OR4N2: variants seen among roughly 807,000 people sequenced by gnomAD.
OR4N2 encodes olfactory receptor family 4 subfamily N member 2.
For synonymous variants in OR4N2, 141 were observed against 140.4 expected (o/e 1.00, Z -0.03); for missense variants, 307 against 377.6 (o/e 0.81, Z 1.55).
intron 1 of OR4N2, among the ~76,000 whole-genome samples, chr14:19,818,110 T>G (rs1311828190): frequency 6.6e-6 from 1 of 152,270 alleles, no homozygotes; most frequent in African/African-American, 2.4e-5. Flanking sequence ...CTTCCAAGTA[T>G]GTGGTCAATT....
chr14:19,807,000 C>A (rs746436764), intron 1 of OR4N2, among the ~76,000 whole-genome samples: 2 of 152,016 alleles, frequency 1.3e-5, no homozygotes, highest in African/African-American at 4.8e-5. Context: ...CAAAAAAATT[C>A]TTTGAAATTA....
chr14:19,823,291 A>T (rs1566467611), intron 1 of OR4N2, among the ~76,000 whole-genome samples: 1 of 152,248 alleles, frequency 6.6e-6, no homozygotes, highest in Admixed American at 6.5e-5. Context: ...GCTACTAATG[A>T]AATTAACTTC....
chr14:19,817,255 C>A (rs1456567348), intron 1 of OR4N2, among the ~76,000 whole-genome samples: 4 of 152,194 alleles, frequency 2.6e-5, no homozygotes, highest in Admixed American at 6.5e-5. Context: ...GTAATAGTTT[C>A]TGAAGGAATG....
In OR4N2 at chr14:19,812,329, C is replaced by CTTTTTTTTTTTTTTT. The variant is rs3078143; in HGVS notation, c.-10+8486_-10+8500dup. On this transcript the variant is annotated intron_variant, in intron 1 of 1. Transcript: ENST00000557677. ...TTTTTTTTTTCTTTTCTTTTCTTTT[C>CTTTTTTTTTTTTTTT]TTTTTTTTTTTTTTTGAGACAGAGT... Among the ~76,000 whole-genome samples the CTTTTTTTTTTTTTTT allele has an allele frequency of 9.6e-4, 113 of 117,396 alleles. 1 individual carries two copies. Among genetic ancestry groups the CTTTTTTTTTTTTTTT allele is most frequent in the African/African-American group, 2.7e-3 (82 of 30,540 alleles). The allele number at this position is 117,396 out of a possible 152,430, so 77.0% of individuals were successfully genotyped here. A position where few individuals can be genotyped will look rare whatever the true frequency, so the allele number is the denominator to read the frequency against.
intron 1 of OR4N2, among the ~76,000 whole-genome samples, chr14:19,813,968 T>C (rs1395181851): frequency 1.3e-5 from 2 of 152,050 alleles, no homozygotes; most frequent in African/African-American, 4.8e-5. Context: ...CTCTCTTTTC[T>C]TCTTTCTTTC....
intron 1 of OR4N2, among the ~76,000 whole-genome samples, chr14:19,826,893 A>G (rs1288240083): frequency 1.3e-5 from 2 of 152,216 alleles, no homozygotes; most frequent in East Asian, 3.8e-4. Flanking sequence ...GACCAAAAGG[A>G]GTATAATAAG....
Position 19,828,169 on chromosome 14 carries a change from A to C in OR4N2, c.721A>C (p.Ile241Leu). The change falls in exon 2 of 2, where the codon ATC becomes CTC. Residue 241 changes from isoleucine (I) to leucine (L), a missense_variant. Coordinates refer to ENST00000557677, the MANE Select transcript of OR4N2 (RefSeq NM_001004723.3). ...AAAAAACAAGGCCATGTCCACGTGC[A>C]TCACCCATATCATTGTTATATTCTT... ...EAKNKAMSTC[I>L]THIIVIFFMF... 1.2e-6 allele frequency: 2 copies of C among 1,614,262 alleles called. No homozygotes were observed. Among genetic ancestry groups the C allele is most frequent in the Non-Finnish European group, 1.7e-6 (2 of 1,180,038 alleles).
At chr14:19,814,296 T>G (rs1879373477) in intron 1 of OR4N2, among the ~76,000 whole-genome samples, 1 of 152,258 alleles carries the variant, frequency 6.6e-6, no homozygotes, top group African/African-American at 2.4e-5. Context: ...AAGATCATGA[T>G]GCATCTTTTC....
At chr14:19,819,996 C>T (rs1361960173) in intron 1 of OR4N2, among the ~76,000 whole-genome samples, 9 of 152,266 alleles carry the variant, frequency 5.9e-5, no homozygotes, top group Admixed American at 1.3e-4. Context: ...ACCCTGTTTT[C>T]CTGGGTGTCA....
chr14:19,808,259 A>C (rs866218392), intron 1 of OR4N2, among the ~76,000 whole-genome samples: 2 of 152,338 alleles, frequency 1.3e-5, no homozygotes, highest in Middle Eastern at 3.4e-3. Context: ...GAAAGAAATA[A>C]AAGACATCCA....
At position 19,827,474 on chromosome 14, in the gene OR4N2, T is replaced by C. The variant is rs532956757; in HGVS notation, c.26T>C (p.Ile9Thr). ...ATGGAAAGCGAGAACAGAACAGTGATAAGAGAATTCATCCTCCTTGGTCTG... is the reference window on the plus strand; with the variant it reads ...ATGGAAAGCGAGAACAGAACAGTGACAAGAGAATTCATCCTCCTTGGTCTG... Reference protein sequence around the residue: MESENRTVIREFILLGLTQ... With the variant: MESENRTVTREFILLGLTQ... The change falls in exon 2 of 2, where the codon ATA becomes ACA. Residue 9 changes from isoleucine to threonine, a missense_variant. Physicochemically the swap from Ile to Thr is moderately conservative, Grantham distance 89 (BLOSUM62 -1). Coordinates refer to ENST00000557677, the MANE Select transcript of OR4N2 (RefSeq NM_001004723.3). 1 of 1,605,210 alleles carries C rather than the reference T, an allele frequency of 6.2e-7. No homozygotes were observed. Among genetic ancestry groups the C allele is most frequent in the Admixed American group, 1.7e-5 (1 of 58,870 alleles).
At position 19,817,316 on chromosome 14, in the gene OR4N2, G is replaced by C. The variant is rs576365028; in HGVS notation, c.-9-10124G>C. ...GTAGAATTTGGCTGTGAATCTGTCT[G>C]GTCCTGGACTTTTTTTGGTTGGTAG... On this transcript the variant is annotated intron_variant, in intron 1 of 1. Transcript: ENST00000557677. Among the ~76,000 whole-genome samples the C allele has an allele frequency of 3.3e-5, 5 of 152,324 alleles. No homozygotes were observed. In the South Asian group the frequency reaches 1.0e-3, roughly 32 times the overall value.
chr14:19,820,645 G>A (rs1339724085), intron 1 of OR4N2, among the ~76,000 whole-genome samples: 1 of 152,246 alleles, frequency 6.6e-6, no homozygotes, highest in East Asian at 1.9e-4. Context: ...GAGAAATCTA[G>A]AGAAGCAGTC....
chr14:19,805,741 C>T (rs1400834739), intron 1 of OR4N2, among the ~76,000 whole-genome samples: 1 of 152,038 alleles, frequency 6.6e-6, no homozygotes, highest in African/African-American at 2.4e-5. Context: ...TAGAGAGAAC[C>T]CTGGCTAGAT....
At chr14:19,812,004 A>G (rs1224063393) in intron 1 of OR4N2, among the ~76,000 whole-genome samples, 1 of 152,266 alleles carries the variant, frequency 6.6e-6, no homozygotes, top group African/African-American at 2.4e-5. Flanking sequence ...CTATTTATTC[A>G]TAGAAGAAAT....
At chr14:19,811,361 C>T (rs1479474703) in intron 1 of OR4N2, among the ~76,000 whole-genome samples, 8 of 152,240 alleles carry the variant, frequency 5.3e-5, no homozygotes, top group Admixed American at 2.0e-4. Flanking sequence ...ATTCTCCTGC[C>T]TCAGCCTCCC....
At chr14:19,821,418 C>G (rs1035106931) in intron 1 of OR4N2, among the ~76,000 whole-genome samples, 1 of 151,478 alleles carries the variant, frequency 6.6e-6, no homozygotes, top group Admixed American at 6.6e-5. Flanking sequence ...TTTGGTGAAG[C>G]CTTTAATTGA....
chr14:19,808,037 C>T (rs1213799999), intron 1 of OR4N2, among the ~76,000 whole-genome samples: 4 of 152,140 alleles, frequency 2.6e-5, no homozygotes, highest in African/African-American at 7.2e-5. Flanking sequence ...TCCAACATCC[C>T]TTCATGATAA....
At chr14:19,824,890 C>T (rs1879653074) in intron 1 of OR4N2, among the ~76,000 whole-genome samples, 1 of 152,218 alleles carries the variant, frequency 6.6e-6, no homozygotes, top group Non-Finnish European at 1.5e-5. Context: ...TCATTAGAAG[C>T]TAAGTTTTTA....
Sources: gnomAD v4.1 joint callset for allele counts (sites outside exome capture counted in the v4.1 genomes callset) on GRCh38, gnomAD v4.1.1 for gene constraint, MANE v1.5 for transcripts, NCBI Gene and HGNC (gene_info 2026-07-23, HGNC 2026-07-21) for gene names.